The following TUBGCP2 variants were observed in gnomAD, a reference collection of about 807,000 sequenced individuals.
The protein encoded by TUBGCP2 is tubulin gamma complex component 2, also known as gamma-tubulin complex component 2.
In TUBGCP2, 55 loss-of-function variants were observed where a neutral mutation model predicts 92.2. The ratio of observed to expected loss-of-function variants is 0.60; its 90% CI spans 0.48 to 0.75. The LOEUF (loss-of-function observed/expected upper bound fraction) is 0.75, where lower values mean the gene tolerates loss of function less well. TUBGCP2 is among the 30% of genes least tolerant of loss of function. The pLI, the probability that TUBGCP2 is intolerant of heterozygous loss-of-function variation, is 0.00. For missense variants in TUBGCP2, 1,093 were observed against 1,188.9 expected, an observed-to-expected ratio of 0.92 and a Z score of 1.19; for synonymous variants, 533 against 505.2, an observed-to-expected ratio of 1.06 and a Z score of -0.74.
intron 3 of TUBGCP2, 133 bp from the exon 4 acceptor site, chr10:133,299,736 G>A (rs779932716): frequency 1.7e-5 from 15 of 888,508 alleles, no homozygotes; most frequent in African/African-American, 8.4e-5. Flanking sequence ...CGACGCGTGC[G>A]ACAGGCAGGA....
chr10:133,298,839 C>T (rs1030905252), intron 4 of TUBGCP2, among the ~76,000 whole-genome samples: 4 of 152,220 alleles, frequency 2.6e-5, no homozygotes, highest in South Asian at 4.1e-4. Flanking sequence ...CCTTGGGAGC[C>T]GCTGCACTCA....
chr10:133,285,074 G>A lies in TUBGCP2; in HGVS notation c.2024+11C>T, dbSNP rs769060650. 18 of 1,594,392 alleles carry A rather than the reference G, an allele frequency of 1.1e-5. No individual in the cohort carries two copies. In the South Asian group the frequency reaches 1.2e-4, roughly 11 times the overall value. On this transcript the variant is annotated intron_variant, in intron 13 of 17. Coordinates refer to ENST00000252936, the MANE Select transcript of TUBGCP2 (RefSeq NM_006659.4). The surrounding 1 kb of genome is among the most constrained non-coding windows in gnomAD (Gnocchi z 6.8). ...TTCAGGAGGGCATGCGGGGGCAGAG[G>A]AAGAACGCACCACTGGGCGGAGTGC...
At chr10:133,283,331 C>T in intron 14 of TUBGCP2, 110 bp from the exon 15 acceptor site, 2 of 1,477,198 alleles carry the variant, frequency 1.4e-6, no homozygotes, top group South Asian at 2.5e-5. Flanking sequence ...CGCACTTCTA[C>T]CTCTTAAATG....
intron 1 of TUBGCP2, 33 bp downstream of exon 1, chr10:133,308,790 T>TCACGCC (rs922800627): frequency 2.0e-6 from 1 of 510,226 alleles, no homozygotes; most frequent in Non-Finnish European, 2.9e-6. Context: ...AACCCCCTCA[T>TCACGCC]CACGCCCGCG....
intron 1 of TUBGCP2, among the ~76,000 whole-genome samples, chr10:133,305,687 C>A (rs947627411): frequency 2.0e-5 from 3 of 152,096 alleles, no homozygotes. Flanking sequence ...AGATTCTAAT[C>A]CTGTGTGATG....
chr10:133,300,816 A>G (rs1388272367), intron 2 of TUBGCP2, among the ~76,000 whole-genome samples: 2 of 151,434 alleles, frequency 1.3e-5, no homozygotes, highest in Non-Finnish European at 2.9e-5. Flanking sequence ...AGCGACTTAC[A>G]CTTCCCCCCA....
intron 5 of TUBGCP2, 127 bp from the exon 6 acceptor site, chr10:133,293,896 T>G: frequency 1.0e-6 from 1 of 979,960 alleles, no homozygotes. Flanking sequence ...GGTCAGCCAC[T>G]GCACTTGGCT....
chr10:133,307,856 G>C (rs895373858), intron 1 of TUBGCP2, among the ~76,000 whole-genome samples: 1 of 152,350 alleles, frequency 6.6e-6, no homozygotes, highest in African/African-American at 2.4e-5. Flanking sequence ...ACCACCTAGA[G>C]GAGCCTCTTG....
chr10:133,304,775 T>C (rs1847767899), intron 1 of TUBGCP2, among the ~76,000 whole-genome samples: 1 of 152,248 alleles, frequency 6.6e-6, no homozygotes, highest in African/African-American at 2.4e-5. Flanking sequence ...TAATCCTTGC[T>C]CTACAATCAT....
At chr10:133,290,189 C>T in intron 8 of TUBGCP2, 1 of 578,280 alleles carries the variant, frequency 1.7e-6, no homozygotes, top group East Asian at 3.1e-5. Flanking sequence ...AACCCCAACA[C>T]TTCTCGGCTA....
chr10:133,290,216 CG>C, intron 8 of TUBGCP2: 1 of 480,000 alleles, frequency 2.1e-6, no homozygotes, highest in Non-Finnish European at 3.8e-6. Flanking sequence ...ACCTAGGGGC[CG>C]GGCACAGTGG....
chr10:133,310,319 G>A (rs1305984655), upstream of TUBGCP2: 1 of 1,611,862 alleles, frequency 6.2e-7, no homozygotes, highest in East Asian at 2.2e-5. Context: ...GCACGTGTCT[G>A]CTTTTGATTT....
rs765132082 is a variant in TUBGCP2 at position 133,283,180 on chromosome 10, G to A, written c.2187C>T (p.Phe729=). Residue 729 remains phenylalanine, a synonymous_variant, in exon 15 of 18, where the codon TTC becomes TTT. Transcript: ENST00000252936. Reference sequence around the variant, plus strand: ...TGCAGTCCTTCAGGCAGGTGTCCAGGAAGCCTGTGTGGTGGCCAAGGACGT... The same window carrying A: ...TGCAGTCCTTCAGGCAGGTGTCCAGAAAGCCTGTGTGGTGGCCAAGGACGT... ...IDDVLGHHTG[F]LDTCLKDCML... The A allele has an allele frequency of 3.1e-6, 5 of 1,614,230 alleles. No individual in the cohort carries two copies. The highest frequency in any genetic ancestry group is 4.2e-6 in the Non-Finnish European group (5 of 1,180,052).
chr10:133,300,469 G>A (rs927842741), intron 2 of TUBGCP2: 1 of 212,104 alleles, frequency 4.7e-6, no homozygotes, highest in African/African-American at 2.3e-5. Flanking sequence ...CACTACTTGG[G>A]AAGCTGAGAT....
chr10:133,308,901 G>A, upstream of TUBGCP2: 1 of 1,204,960 alleles, frequency 8.3e-7, no homozygotes, highest in African/African-American at 1.6e-5. Flanking sequence ...GGCTCGGCTC[G>A]CGGACGGTGG....
intron 2 of TUBGCP2, chr10:133,302,566 G>A (rs1847695911): frequency 1.8e-6 from 1 of 553,412 alleles, no homozygotes; most frequent in Non-Finnish European, 3.2e-6. Flanking sequence ...TGAGGGGTGG[G>A]TTCACCCTGC....
In TUBGCP2 at chr10:133,279,508, CA is replaced by C; in HGVS notation, c.*257del. ...ACACCATGTATTTCCACTTTGAGGCCAAAAACACCCAAAAAGGTGATAGTGT... is the reference window on the plus strand; with the variant it reads ...ACACCATGTATTTCCACTTTGAGGCCAAAACACCCAAAAAGGTGATAGTGT... On this transcript the variant is annotated 3_prime_UTR_variant, in exon 18 of 18. Coordinates refer to ENST00000252936, the MANE Select transcript of TUBGCP2 (RefSeq NM_006659.4). 4.0e-5 allele frequency: 21 copies of C among 523,218 alleles called. No homozygotes were observed. The highest frequency in any genetic ancestry group is 8.7e-5 in the South Asian group (3 of 34,458). 32.4% of individuals were successfully genotyped at this position (523,218 alleles called of 1,614,324 possible). A position where few individuals can be genotyped will look rare whatever the true frequency, so the allele number is the denominator to read the frequency against.
Position 133,285,768 on chromosome 10 carries a change from C to T in TUBGCP2, c.1723-140G>A. On this transcript the variant is annotated intron_variant, in intron 11 of 17. Transcript: ENST00000252936. The surrounding 1 kb of genome is among the most constrained non-coding windows in gnomAD (Gnocchi z 6.8). ...CCGATTCTAAATATCAGAGGCTTTT[C>T]AAAAACCCAAACATCTACTGATAAA... 1.3e-6 allele frequency: 1 copy of T among 777,506 alleles called. No individual in the cohort carries two copies. The highest frequency in any genetic ancestry group is 1.8e-6 in the Non-Finnish European group (1 of 548,762). 48.2% of individuals were successfully genotyped at this position (777,506 alleles called of 1,614,324 possible).
intron 14 of TUBGCP2, 40 bp from the exon 15 acceptor site, chr10:133,283,261 G>A: frequency 6.2e-7 from 1 of 1,612,494 alleles, no homozygotes; most frequent in Non-Finnish European, 8.5e-7. Flanking sequence ...GAAAGACGTG[G>A]CTGACAGACG....
Sources: allele counts gnomAD v4.1 joint callset (sites outside exome capture counted in the v4.1 genomes callset), GRCh38; gene constraint gnomAD v4.1.1; non-coding constraint Gnocchi (gnomAD v3.1); transcripts MANE v1.5; gene names NCBI Gene and HGNC (gene_info 2026-07-23, HGNC 2026-07-21).